AP4B1: variants seen among roughly 807,000 people sequenced by gnomAD.
AP4B1 encodes the protein AP-4 complex subunit beta-1.
AP4B1 carries 49 observed loss-of-function variants against 76.5 expected under a neutral mutation model. The ratio of observed to expected loss-of-function variants is 0.64; its 90% CI spans 0.51 to 0.81. The LOEUF is 0.81. AP4B1 is among the 40% of genes least tolerant of loss of function. The probability of loss-of-function intolerance (pLI) is 0.00; values close to 1 mark genes in which losing one functional copy is unlikely to be tolerated. For missense variants in AP4B1, 911 were observed against 904.9 expected (o/e 1.01, Z -0.09); for synonymous variants, 330 against 333.3 (o/e 0.99, Z 0.11).
intron 5 of AP4B1, chr1:113,899,354 T>G (rs1553258224): frequency 2.0e-6 from 2 of 1,011,436 alleles, no homozygotes; most frequent in East Asian, 1.0e-4. Flanking sequence ...TGAAAAAGTC[T>G]GTAAGATTTA....
chr1:113,896,297 A>AT lies in AP4B1; in HGVS notation c.1470_1471insA (p.Cys491MetfsTer37). The AT allele has an allele frequency of 6.2e-7, 1 of 1,614,236 alleles. No homozygotes were observed. Among genetic ancestry groups the AT allele is most frequent in the Non-Finnish European group, 8.5e-7 (1 of 1,180,036 alleles). On this transcript the variant is annotated frameshift_variant, in exon 8 of 10. Transcript: ENST00000369569. LOFTEE classifies it high-confidence loss of function. ...AACAAACGTCCTAGCATGTCCTGGC[A>AT]CTCAGCAGGTCGGGAGAGGAAAAGG... is the stretch of plus-strand genomic sequence containing the variant.
Position 113,902,752 on chromosome 1 carries a change from T to G in AP4B1, c.224A>C (p.Tyr75Ser). 1 of 1,614,202 alleles carries G rather than the reference T, an allele frequency of 6.2e-7. No homozygotes were observed. The highest frequency in any genetic ancestry group is 8.5e-7 in the Non-Finnish European group (1 of 1,180,040). ...KKLVYLYMCT[Y>S]APLKPDLALL... ...AGCCAGATCTGGTTTCAGGGGAGCATATGTGCACATGTACAGATAAACCAA... is the reference window on the plus strand; with the variant it reads ...AGCCAGATCTGGTTTCAGGGGAGCAGATGTGCACATGTACAGATAAACCAA... Residue 75 changes from tyrosine to serine, a missense_variant, in exon 2 of 10, where the codon TAT becomes TCT. Transcript: ENST00000369569.
In AP4B1 at chr1:113,898,728, G is replaced by A; in HGVS notation, c.1188C>T (p.His396=). 1.9e-6 allele frequency: 3 copies of A among 1,609,288 alleles called. No individual in the cohort carries two copies. Among genetic ancestry groups the A allele is most frequent in the Non-Finnish European group, 2.5e-6 (3 of 1,179,916 alleles). Residue 396 remains histidine (H), a synonymous_variant, in exon 6 of 10, where the codon CAC becomes CAT. Transcript: ENST00000369569. ...LTELLGLRQE[H]ITTVVVQTFR... ...AAAGGCAGGCATTACCTGTGGTAAT[G>A]TGCTCTTGTCGAAGACCCAGCAACT...
chr1:113,901,227 C>T lies in AP4B1; in HGVS notation c.617+9G>A. The T allele has an allele frequency of 5.0e-6, 8 of 1,614,144 alleles. No individual in the cohort carries two copies. Among genetic ancestry groups the T allele is most frequent in the Non-Finnish European group, 6.8e-6 (8 of 1,180,014 alleles). On this transcript the variant is annotated intron_variant, in intron 4 of 9. Transcript: ENST00000369569. ...TCTCATAATAAAAAGAGTGCTGAGG[C>T]ATCCAAACCGATTTAAGAGATGGTG...
chr1:113,902,400 G>A (rs1458730560), intron 2 of AP4B1, among the ~76,000 whole-genome samples: 1 of 152,152 alleles, frequency 6.6e-6, no homozygotes, highest in Non-Finnish European at 1.5e-5. Flanking sequence ...ATTGTTTAGA[G>A]ATATTTAACC....
chr1:113,897,682 A>T, intron 7 of AP4B1, 158 bp downstream of exon 7: 1 of 720,420 alleles, frequency 1.4e-6, no homozygotes, highest in Non-Finnish European at 2.3e-6. Flanking sequence ...TTTATAATTT[A>T]TATGCCATCT....
In AP4B1 at chr1:113,901,905, G is replaced by A. The variant is rs754204045; in HGVS notation, c.339-20C>T. ...GGCATCCTAAGCAACACATCCTGGA[G>A]TTAGCCAGATTCTGAAATACTAATT... On this transcript the variant is annotated intron_variant, in intron 2 of 9. Coordinates refer to ENST00000369569, the MANE Select transcript of AP4B1 (RefSeq NM_001253852.3). 4.3e-6 allele frequency: 7 copies of A among 1,614,022 alleles called. No individual in the cohort carries two copies. Among genetic ancestry groups the A allele is most frequent in the Middle Eastern group, 1.6e-4 (1 of 6,062 alleles).
rs564341222 is a variant in AP4B1 at position 113,894,240 on chromosome 1, G to C, written c.*825C>G. Among the ~76,000 whole-genome samples the C allele has an allele frequency of 6.6e-6, 1 of 152,286 alleles. No homozygotes were observed. Among genetic ancestry groups the C allele is most frequent in the South Asian group, 2.1e-4 (1 of 4,830 alleles). ...ATTAGATTTGTTCTTGCCATAAGTTGCTTCAATGTACAAAATGTGGTCAGA... is the reference window on the plus strand; with the variant it reads ...ATTAGATTTGTTCTTGCCATAAGTTCCTTCAATGTACAAAATGTGGTCAGA... On this transcript the variant is annotated 3_prime_UTR_variant, in exon 10 of 10. Coordinates refer to ENST00000369569, the MANE Select transcript of AP4B1 (RefSeq NM_001253852.3).
intron 5 of AP4B1, 102 bp from the exon 6 acceptor site, chr1:113,898,903 TAAAAAAAAA>T: frequency 1.3e-6 from 1 of 740,978 alleles, no homozygotes; most frequent in Non-Finnish European, 2.0e-6. Context: ...CAGAATTATC[TAAAAAAAAA>T]AAAAAGAAAA....
chr1:113,895,858 A>T lies in AP4B1; in HGVS notation c.1691T>A (p.Val564Glu). 1.2e-6 allele frequency: 2 copies of T among 1,614,208 alleles called. No individual in the cohort carries two copies. Among genetic ancestry groups the T allele is most frequent in the Non-Finnish European group, 1.7e-6 (2 of 1,180,026 alleles). The change falls in exon 9 of 10, where the codon GTG (valine) becomes GAG (glutamate). Residue 564 changes from valine (V) to glutamate (E), a missense_variant. Physicochemically the swap from Val to Glu is moderately radical, Grantham distance 121 (BLOSUM62 -2). Coordinates refer to ENST00000369569, the MANE Select transcript of AP4B1 (RefSeq NM_001253852.3). Reference protein sequence around the residue: ...NSWASDFNTLVPVYGKAHWAT... With the variant: ...NSWASDFNTLEPVYGKAHWAT... ...CCAGTGGGCTTTGCCATACACTGGC[A>T]CCAGTGTGTTGAAGTCTGAGGCCCA...
intron 2 of AP4B1, 68 bp from the exon 3 acceptor site, chr1:113,901,953 C>A: frequency 6.3e-7 from 1 of 1,593,278 alleles, no homozygotes; most frequent in South Asian, 1.1e-5. Flanking sequence ...AGCCCCTGTT[C>A]ACCTAACAGA....
chr1:113,901,108 A>AAAT (rs961373842), intron 4 of AP4B1, 128 bp downstream of exon 4: 115 of 1,305,322 alleles, frequency 8.8e-5, no homozygotes, highest in Non-Finnish European at 6.9e-5. Context: ...ACTCCGTCTC[A>AAAT]AATAATAATA....
At position 113,900,281 on chromosome 1, in the gene AP4B1, C is replaced by A; in HGVS notation, c.737G>T (p.Ser246Ile). The change falls in exon 5 of 10, where the codon AGC (serine) becomes ATC (isoleucine). Residue 246 changes from serine (S) to isoleucine (I), a missense_variant. Coordinates refer to ENST00000369569, the MANE Select transcript of AP4B1 (RefSeq NM_001253852.3). ...TCCCATCACCACACCTGGGCTACTG[C>A]TCTTGAGGAAACTATCCAACAGATT... is the stretch of plus-strand genomic sequence containing the variant. ...ILNLLDSFLK[S>I]SSPGVVMGAT... 6.2e-7 allele frequency: 1 copy of A among 1,604,332 alleles called. No homozygotes were observed.
chr1:113,895,660 C>A (rs769092513), intron 9 of AP4B1, 97 bp downstream of exon 9: 4 of 1,558,320 alleles, frequency 2.6e-6, no homozygotes, highest in Non-Finnish European at 3.5e-6. Flanking sequence ...ATTCAGGCAA[C>A]AGTCTGAGGT....
rs938021766 is a variant in AP4B1 at position 113,904,096 on chromosome 1, A to G, written c.113+509T>C. 2.5e-4 allele frequency among the ~76,000 whole-genome samples: 38 copies of G among 152,348 alleles called. 1 individual carries two copies. The highest frequency in any genetic ancestry group is 5.3e-4 in the Non-Finnish European group (36 of 68,032). ...TGGACCAGAACAACAATGCTAATAA[A>G]CAAGAGAGGATGGATATTTAGAATT... On this transcript the variant is annotated intron_variant, in intron 1 of 9. Coordinates refer to ENST00000369569, the MANE Select transcript of AP4B1 (RefSeq NM_001253852.3).
At chr1:113,904,866 C>A, upstream of AP4B1, 2 of 730,138 alleles carry the variant, frequency 2.7e-6, no homozygotes, top group Non-Finnish European at 4.8e-6. Flanking sequence ...TTCCGTAGGG[C>A]CGGCACGCTG....
chr1:113,901,193 G>C (rs769981275), intron 4 of AP4B1, 43 bp downstream of exon 4: 3 of 1,610,022 alleles, frequency 1.9e-6, no homozygotes, highest in Non-Finnish European at 1.7e-6. Context: ...GATCCCACAA[G>C]GTAGCAGATC....
rs1217401 is a variant in AP4B1 at position 113,896,329 on chromosome 1, A to G, written c.1439T>C (p.Leu480Ser). The change falls in exon 8 of 10, where the codon TTG becomes TCG. Residue 480 changes from leucine to serine, a missense_variant. Transcript: ENST00000369569. ...PAVKMELLTA[L>S]LRLFLSRPAE... ...AGGTCGGGAGAGGAAAAGGCGCAGC[A>G]AAGCAGTGAGCAGCTCCATCTTAAC... 523,144 of 1,613,954 alleles carry G rather than the reference A, an allele frequency of 0.32. 93,103 individuals are homozygous for G. The highest frequency in any genetic ancestry group is 0.71 in the African/African-American group (53,489 of 74,972).
At chr1:113,903,697 G>GT (rs1668598396) in intron 1 of AP4B1, among the ~76,000 whole-genome samples, 1 of 152,220 alleles carries the variant, frequency 6.6e-6, no homozygotes, top group Non-Finnish European at 1.5e-5. Flanking sequence ...ATGCTATGAG[G>GT]TAAGTAGACA....
Sources: allele counts gnomAD v4.1 joint callset (sites outside exome capture counted in the v4.1 genomes callset), GRCh38; gene constraint gnomAD v4.1.1; transcripts MANE v1.5; gene names NCBI Gene and HGNC (gene_info 2026-07-23, HGNC 2026-07-21).